The following NKX2-2 variants were observed in gnomAD, a reference collection of about 807,000 sequenced individuals.
NKX2-2 encodes the protein NK2 homeobox 2, also known as homeobox protein Nkx-2.2.
In NKX2-2, 8 loss-of-function variants were observed where a neutral mutation model predicts 24.6. That is an observed-to-expected ratio of 0.32 (90% confidence interval 0.19 to 0.59). The LOEUF is 0.59. NKX2-2 is among the 20% of genes least tolerant of loss of function. NKX2-2 has a pLI of 0.86. For synonymous variants in NKX2-2, 217 were observed against 173.3 expected (o/e 1.25, Z -1.98); for missense variants, 381 against 373.9 (o/e 1.02, Z -0.16).
the NKX2-2 span, among the ~76,000 whole-genome samples, chr20:21,519,154 C>A: frequency 2.0e-5 from 3 of 152,242 alleles, no homozygotes; most frequent in South Asian, 6.2e-4. Context: ...CACACAAGGT[C>A]TTTTCCCTTT....
the NKX2-2 span, among the ~76,000 whole-genome samples, chr20:21,520,997 G>C: frequency 2.0e-5 from 3 of 152,026 alleles, no homozygotes; most frequent in African/African-American, 4.8e-5. Flanking sequence ...CTCTCCTAAC[G>C]GGTTGCATTC....
At chr20:21,517,626 C>A (rs932612224), upstream of NKX2-2, among the ~76,000 whole-genome samples, 1 of 152,242 alleles carries the variant, frequency 6.6e-6, no homozygotes, top group Non-Finnish European at 1.5e-5. Flanking sequence ...GGGAGGCCTG[C>A]GCAGGCCCAG....
chr20:21,511,814 AATAATT>A lies in NKX2-2; in HGVS notation c.*103_*108del. The A allele has an allele frequency of 1.2e-6, 1 of 811,628 alleles. No homozygotes were observed. Among genetic ancestry groups the A allele is most frequent in the African/African-American group, 1.8e-5 (1 of 57,010 alleles). 50.3% of individuals were successfully genotyped at this position (811,628 alleles called of 1,614,324 possible). A position where few individuals can be genotyped will look rare whatever the true frequency, so the allele number is the denominator to read the frequency against. ...CCGAGAGTCAACTCGACTCCATAAT[AATAATT>A]ATAATAATAATAATAACCACCATAA... On this transcript the variant is annotated 3_prime_UTR_variant, in exon 2 of 2. Transcript: ENST00000377142.
rs781310953 is a variant in NKX2-2 at position 21,512,154 on chromosome 20, C to T, written c.591G>A (p.Leu197=). ...RAEKGMEVTP[L]PSPRRVAVPV... ...GCACGGCCACCCGGCGCGGCGAGGG[C>T]AGGGGCGTCACCTCCATACCTTTCT... The change falls in exon 2 of 2, where the codon CTG becomes CTA. Residue 197 remains leucine, a synonymous_variant. Coordinates refer to ENST00000377142, the MANE Select transcript of NKX2-2 (RefSeq NM_002509.4). 2 of 1,613,822 alleles carry T rather than the reference C, an allele frequency of 1.2e-6. No individual in the cohort carries two copies. Among genetic ancestry groups the T allele is most frequent in the Non-Finnish European group, 1.7e-6 (2 of 1,179,916 alleles).
In NKX2-2 at chr20:21,511,842, A is replaced by G. The variant is rs1980440979; in HGVS notation, c.*81T>C. ...AATTATAATAATAATAATAACCACC[A>G]TAAGGACCGAGGCCTCCTCGCCGCC... On this transcript the variant is annotated 3_prime_UTR_variant, in exon 2 of 2. Transcript: ENST00000377142. The G allele has an allele frequency of 6.8e-6, 7 of 1,029,386 alleles. No homozygotes were observed. The highest frequency in any genetic ancestry group is 4.7e-5 in the South Asian group (3 of 63,470). The allele number at this position is 1,029,386 out of a possible 1,614,324, so 63.8% of individuals were successfully genotyped here. A position where few individuals can be genotyped will look rare whatever the true frequency, so the allele number is the denominator to read the frequency against.
chr20:21,511,822 T>A lies in NKX2-2; in HGVS notation c.*101A>T, dbSNP rs1387638949. 1.3e-6 allele frequency: 1 copy of A among 759,850 alleles called. No individual in the cohort carries two copies. Among genetic ancestry groups the A allele is most frequent in the African/African-American group, 1.8e-5 (1 of 55,928 alleles). 47.1% of individuals were successfully genotyped at this position (759,850 alleles called of 1,614,324 possible). ...CAACTCGACTCCATAATAATAATTA[T>A]AATAATAATAATAACCACCATAAGG... On this transcript the variant is annotated 3_prime_UTR_variant, in exon 2 of 2. Coordinates refer to ENST00000377142, the MANE Select transcript of NKX2-2 (RefSeq NM_002509.4).
At chr20:21,515,847 G>A (rs1274426473), upstream of NKX2-2, among the ~76,000 whole-genome samples, 2 of 152,184 alleles carry the variant, frequency 1.3e-5, no homozygotes, top group Non-Finnish European at 2.9e-5. Flanking sequence ...CCAGCGCTGG[G>A]TGAGGGCACC....
At chr20:21,518,329 T>C (rs995249628), upstream of NKX2-2, among the ~76,000 whole-genome samples, 5 of 152,150 alleles carry the variant, frequency 3.3e-5, no homozygotes, top group Non-Finnish European at 7.4e-5. Flanking sequence ...TACACATCTC[T>C]AGCTCTATTC....
the NKX2-2 span, among the ~76,000 whole-genome samples, chr20:21,520,682 T>TCAGCCTGG: frequency 6.6e-5 from 10 of 152,086 alleles, no homozygotes; most frequent in Non-Finnish European, 1.0e-4. Flanking sequence ...AACGAGCCTG[T>TCAGCCTGG]CCCAGCCAAT....
chr20:21,519,101 C>G, the NKX2-2 span, among the ~76,000 whole-genome samples: 2 of 152,210 alleles, frequency 1.3e-5, no homozygotes, highest in African/African-American at 2.4e-5. Flanking sequence ...CTAGGCGGCA[C>G]ACCTCACACT....
chr20:21,511,119 G>C lies in NKX2-2; in HGVS notation c.*804C>G, dbSNP rs1327690496. ...TTGGGGAACCGCGCCGAATAGCTGA[G>C]CTCCAAGTTCGGGGCTGAAGGCCCG... On this transcript the variant is annotated 3_prime_UTR_variant, in exon 2 of 2. Coordinates refer to ENST00000377142, the MANE Select transcript of NKX2-2 (RefSeq NM_002509.4). 6.6e-6 allele frequency: 1 copy of C among 152,660 alleles called. No individual in the cohort carries two copies. 9.5% of individuals were successfully genotyped at this position (152,660 alleles called of 1,614,324 possible).
At chr20:21,518,681 C>T (rs1286259035), upstream of NKX2-2, among the ~76,000 whole-genome samples, 1 of 152,248 alleles carries the variant, frequency 6.6e-6, no homozygotes, top group Non-Finnish European at 1.5e-5. Flanking sequence ...ACGGGGGCCG[C>T]CCAGAGGCAC....
chr20:21,518,300 A>T (rs1264289183), upstream of NKX2-2, among the ~76,000 whole-genome samples: 1 of 151,648 alleles, frequency 6.6e-6, no homozygotes, highest in African/African-American at 2.4e-5. Flanking sequence ...TATTATCAGC[A>T]TTGGGGCTCC....
chr20:21,513,870 A>C lies in NKX2-2; in HGVS notation c.-201T>G, dbSNP rs1980535054. 1 of 449,684 alleles carries C rather than the reference A, an allele frequency of 2.2e-6. No individual in the cohort carries two copies. The highest frequency in any genetic ancestry group is 3.8e-6 in the Non-Finnish European group (1 of 260,214). 27.9% of individuals were successfully genotyped at this position (449,684 alleles called of 1,614,324 possible). On this transcript the variant is annotated 5_prime_UTR_variant, in exon 1 of 2. Coordinates refer to ENST00000377142, the MANE Select transcript of NKX2-2 (RefSeq NM_002509.4). This position sits in a 1 kb window ranked among gnomAD's most constrained non-coding sequence, Gnocchi z 4.6. ...CTGGGGATGGGGAGGAAAAAAATGA[A>C]GCCCAACCCAGTGCCTCTCTCTGTC... is the stretch of plus-strand genomic sequence containing the variant.
the NKX2-2 span, among the ~76,000 whole-genome samples, chr20:21,522,475 G>C: frequency 3.3e-5 from 5 of 152,226 alleles, no homozygotes; most frequent in South Asian, 6.2e-4. Context: ...CGCCACCGCC[G>C]GGCTCCGCTG....
At chr20:21,515,358 G>T (rs987501300), upstream of NKX2-2, among the ~76,000 whole-genome samples, 2 of 152,098 alleles carry the variant, frequency 1.3e-5, no homozygotes, top group Non-Finnish European at 2.9e-5. Context: ...ACGATGCCTC[G>T]TTTTCTCCCC....
chr20:21,516,791 C>T (rs1411448798), upstream of NKX2-2, among the ~76,000 whole-genome samples: 1 of 152,110 alleles, frequency 6.6e-6, no homozygotes, highest in African/African-American at 2.4e-5. Context: ...CAGCAAGTGT[C>T]GTTTCTCGCA....
the NKX2-2 span, among the ~76,000 whole-genome samples, chr20:21,520,569 G>A: frequency 1.5e-4 from 23 of 152,216 alleles, no homozygotes; most frequent in African/African-American, 5.3e-4. Context: ...TTTCATGGAT[G>A]TTAAATTGAA....
At chr20:21,512,906 G>T (rs888579645) in intron 1 of NKX2-2, among the ~76,000 whole-genome samples, 1 of 152,184 alleles carries the variant, frequency 6.6e-6, no homozygotes, top group African/African-American at 2.4e-5. Flanking sequence ...GGGGGCTTTC[G>T]TTTCTGCTTT....
Sources: gnomAD v4.1 joint callset for allele counts (sites outside exome capture counted in the v4.1 genomes callset) on GRCh38, gnomAD v4.1.1 for gene constraint, Gnocchi (gnomAD v3.1) non-coding constraint, MANE v1.5 for transcripts, NCBI Gene and HGNC (gene_info 2026-07-23, HGNC 2026-07-21) for gene names.